DRC8: variants seen among roughly 807,000 people sequenced by gnomAD.
The protein encoded by DRC8 is dynein regulatory complex subunit 8, also known as dynein regulatory complex protein 8.
At chr1:245,037,197 GAC>G in the DRC8 span, among the ~76,000 whole-genome samples, 1 of 152,138 alleles carries the variant, frequency 6.6e-6, no homozygotes, top group East Asian at 1.9e-4. Flanking sequence ...ACTTAAAAAA[GAC>G]TGCATTAAAA....
the DRC8 span, among the ~76,000 whole-genome samples, chr1:245,033,179 A>C: frequency 6.6e-6 from 1 of 152,158 alleles, no homozygotes; most frequent in African/African-American, 2.4e-5. Flanking sequence ...ACCCAACTGG[A>C]CCTGGTGACC....
chr1:245,104,503 TAAAA>T, the DRC8 span, among the ~76,000 whole-genome samples: 1 of 117,750 alleles, frequency 8.5e-6, no homozygotes. Flanking sequence ...GACTCTGTCA[TAAAA>T]AAAAAAAAAA....
the DRC8 span, among the ~76,000 whole-genome samples, chr1:245,022,364 A>G: frequency 6.6e-6 from 1 of 151,182 alleles, no homozygotes; most frequent in Non-Finnish European, 1.5e-5. Context: ...GGGTTTTGCC[A>G]TGATAGCTAG....
At chr1:245,090,720 T>C in the DRC8 span, among the ~76,000 whole-genome samples, 1 of 151,740 alleles carries the variant, frequency 6.6e-6, no homozygotes, top group Non-Finnish European at 1.5e-5. Flanking sequence ...CATCCTGGAC[T>C]CTGGCCTACG....
the DRC8 span, among the ~76,000 whole-genome samples, chr1:244,972,543 G>A: frequency 2.0e-5 from 3 of 152,148 alleles, no homozygotes; most frequent in Admixed American, 1.3e-4. Flanking sequence ...CGAGAAGGCC[G>A]GGCGCGGTGG....
the DRC8 span, among the ~76,000 whole-genome samples, chr1:244,985,285 T>A: frequency 1.3e-5 from 2 of 152,218 alleles, no homozygotes; most frequent in Non-Finnish European, 2.9e-5. Context: ...CTGTAGTTAA[T>A]CCTTATGGGC....
the DRC8 span, among the ~76,000 whole-genome samples, chr1:245,100,865 T>C: frequency 6.6e-6 from 1 of 152,084 alleles, no homozygotes; most frequent in Non-Finnish European, 1.5e-5. Context: ...GTGAATCTTG[T>C]GATTGGCTAA....
chr1:245,100,738 G>T, the DRC8 span, among the ~76,000 whole-genome samples: 1 of 149,816 alleles, frequency 6.7e-6, no homozygotes, highest in Admixed American at 6.6e-5. Context: ...ACAGTGATCG[G>T]TCTACTGCAC....
chr1:245,061,225 T>C, the DRC8 span, among the ~76,000 whole-genome samples: 1 of 152,228 alleles, frequency 6.6e-6, no homozygotes, highest in Non-Finnish European at 1.5e-5. Context: ...AAAATGTTTT[T>C]ATGAGGATTA....
the DRC8 span, among the ~76,000 whole-genome samples, chr1:244,978,401 GAGAA>G: frequency 1.3e-5 from 2 of 151,244 alleles, no homozygotes; most frequent in African/African-American, 4.9e-5. Flanking sequence ...GCTGAGGTAG[GAGAA>G]TCACTTGAAC....
chr1:245,001,469 G>T, the DRC8 span, among the ~76,000 whole-genome samples: 1 of 152,188 alleles, frequency 6.6e-6, no homozygotes, highest in Non-Finnish European at 1.5e-5. Flanking sequence ...GTTTCCAGGG[G>T]CAGAGCTTAT....
the DRC8 span, among the ~76,000 whole-genome samples, chr1:244,997,266 G>A: frequency 6.6e-6 from 1 of 151,750 alleles, no homozygotes. Flanking sequence ...GTCCTTTGGA[G>A]CGTCAGACTT....
At chr1:245,088,348 A>ACACACACC in the DRC8 span, among the ~76,000 whole-genome samples, 1 of 151,764 alleles carries the variant, frequency 6.6e-6, no homozygotes, top group African/African-American at 2.4e-5. The surrounding 1 kb of genome is among the most constrained non-coding windows in gnomAD (Gnocchi z 4.6). Context: ...ACACACACAC[A>ACACACACC]CGGGTCTCTA....
At chr1:244,986,842 G>C in the DRC8 span, among the ~76,000 whole-genome samples, 1 of 152,132 alleles carries the variant, frequency 6.6e-6, no homozygotes, top group Non-Finnish European at 1.5e-5. Context: ...AGACAGCAGC[G>C]GAGGAAATGG....
At chr1:245,051,067 G>A in the DRC8 span, among the ~76,000 whole-genome samples, 7 of 152,122 alleles carry the variant, frequency 4.6e-5, no homozygotes, top group African/African-American at 1.7e-4. Flanking sequence ...ATGGGGACTT[G>A]CCATGTTGTC....
the DRC8 span, among the ~76,000 whole-genome samples, chr1:244,978,747 C>T: frequency 1.3e-5 from 2 of 152,314 alleles, no homozygotes; most frequent in East Asian, 1.9e-4. Context: ...ACCTTGGCCT[C>T]CCAAAGTGCT....
the DRC8 span, among the ~76,000 whole-genome samples, chr1:245,076,955 G>A: frequency 7.6e-4 from 115 of 152,236 alleles, 2 homozygotes; most frequent in East Asian, 0.016. Flanking sequence ...TCGATCTCCT[G>A]ACCTCGTGAT....
chr1:244,986,642 G>A, the DRC8 span, among the ~76,000 whole-genome samples: 1 of 151,884 alleles, frequency 6.6e-6, no homozygotes, highest in Non-Finnish European at 1.5e-5. Context: ...GCTGAGGTGG[G>A]AGGATTGCTT....
At chr1:245,012,435 C>T in the DRC8 span, among the ~76,000 whole-genome samples, 1 of 150,728 alleles carries the variant, frequency 6.6e-6, no homozygotes, top group Non-Finnish European at 1.5e-5. Flanking sequence ...AAATAAGATA[C>T]AATAAGAAGA....
Sources: allele counts gnomAD v4.1 joint callset (sites outside exome capture counted in the v4.1 genomes callset), GRCh38; gene constraint gnomAD v4.1.1; non-coding constraint Gnocchi (gnomAD v3.1); transcripts MANE v1.5; gene names NCBI Gene and HGNC (gene_info 2026-07-23, HGNC 2026-07-21).